Variants in BBIP1 observed in about 807,000 individuals in gnomAD.
BBIP1 encodes BBSome interacting protein 1.
In BBIP1, 6 loss-of-function variants were observed where a neutral mutation model predicts 8.9. The ratio of observed to expected loss-of-function variants is 0.67; its 90% CI spans 0.37 to 1.33. BBIP1 has a LOEUF of 1.33. Ranked by LOEUF, BBIP1 falls within the 40% of genes most tolerant of loss-of-function variation. The probability of loss-of-function intolerance (pLI) is 0.02; values close to 1 mark genes in which losing one functional copy is unlikely to be tolerated. For missense variants in BBIP1, 111 were observed against 109.2 expected (o/e 1.02, Z -0.07); for synonymous variants, 32 against 33.4 (o/e 0.96, Z 0.14).
At chr10:110,912,247 G>T (rs1202331267) in intron 2 of BBIP1, 1 of 150,432 alleles carries the variant, frequency 6.6e-6, no homozygotes. Flanking sequence ...CTCTTAGGAA[G>T]AAAAACTGCT....
At chr10:110,907,660 G>T in intron 2 of BBIP1, 1 of 653,858 alleles carries the variant, frequency 1.5e-6, no homozygotes, top group South Asian at 1.7e-5. Context: ...TTTAGGATCT[G>T]AAAAGTGATT....
chr10:110,917,194 ATTTTT>A (rs67066048), intron 2 of BBIP1, among the ~76,000 whole-genome samples: 30 of 107,972 alleles, frequency 2.8e-4, no homozygotes, highest in Non-Finnish European at 3.4e-4. Context: ...CTGGATCCTG[ATTTTT>A]TTTTTTTTTT....
chr10:110,909,272 A>T (rs530789237), intron 2 of BBIP1, among the ~76,000 whole-genome samples: 334 of 151,884 alleles, frequency 2.2e-3, no homozygotes, highest in Non-Finnish European at 4.1e-3. Flanking sequence ...ATCTCGGCTC[A>T]CTGCAACCCC....
chr10:110,904,554 T>G (rs560577749), intron 2 of BBIP1: 1 of 152,334 alleles, frequency 6.6e-6, no homozygotes, highest in African/African-American at 2.4e-5. Flanking sequence ...TCTGATAGTA[T>G]CCACAGGTAG....
chr10:110,907,862 CT>C (rs1162202250), intron 2 of BBIP1: 1 of 676,090 alleles, frequency 1.5e-6, no homozygotes, highest in East Asian at 2.7e-5. Flanking sequence ...GTTAAATTTT[CT>C]TTTTAATAGC....
chr10:110,905,198 G>A (rs142182341), intron 2 of BBIP1, among the ~76,000 whole-genome samples: 1 of 152,168 alleles, frequency 6.6e-6, no homozygotes, highest in African/African-American at 2.4e-5. Context: ...TTTTAGGAGT[G>A]AGAGTTAAAA....
intron 2 of BBIP1, among the ~76,000 whole-genome samples, chr10:110,915,130 A>C (rs1023774706): frequency 2.0e-5 from 3 of 152,188 alleles, no homozygotes; most frequent in African/African-American, 4.8e-5. Context: ...TTCTTCAGAA[A>C]TCAGAATTGC....
rs1845956874 is a variant in BBIP1 at position 110,900,273 on chromosome 10, A to T, written c.*87T>A. On this transcript the variant is annotated 3_prime_UTR_variant, in exon 4 of 4. Coordinates refer to ENST00000448814, the MANE Select transcript of BBIP1 (RefSeq NM_001195305.3). Reference sequence around the variant, plus strand: ...ACTATCAATTTTATTGATAACACATACTACTTTCAGCACACAGAAGCATAT... The same window carrying T: ...ACTATCAATTTTATTGATAACACATTCTACTTTCAGCACACAGAAGCATAT... The T allele has an allele frequency of 3.3e-6, 4 of 1,224,146 alleles. No individual in the cohort carries two copies. In the East Asian group the frequency reaches 1.0e-4, roughly 32 times the overall value. 75.8% of individuals were successfully genotyped at this position (1,224,146 alleles called of 1,614,324 possible).
Position 110,899,051 on chromosome 10 carries a change from T to C in BBIP1, c.*1309A>G. The C allele has an allele frequency of 6.6e-6, 1 of 152,184 alleles. No individual in the cohort carries two copies. The highest frequency in any genetic ancestry group is 1.9e-4 in the East Asian group (1 of 5,202). The allele number at this position is 152,184 out of a possible 1,614,324, so 9.4% of individuals were successfully genotyped here. A position where few individuals can be genotyped will look rare whatever the true frequency, so the allele number is the denominator to read the frequency against. On this transcript the variant is annotated 3_prime_UTR_variant, in exon 4 of 4. Transcript: ENST00000448814. ...TTCTGTTACCAAATAATGGCTAATG[T>C]TACAAAAAGTTATACTCCAGAGACC...
In BBIP1 at chr10:110,900,224, G is replaced by T. The variant is rs1181843097; in HGVS notation, c.*136C>A. The T allele has an allele frequency of 2.3e-6, 2 of 853,710 alleles. No individual in the cohort carries two copies. Among genetic ancestry groups the T allele is most frequent in the Non-Finnish European group, 3.4e-6 (2 of 591,460 alleles). The allele number at this position is 853,710 out of a possible 1,614,324, so 52.9% of individuals were successfully genotyped here. A position where few individuals can be genotyped will look rare whatever the true frequency, so the allele number is the denominator to read the frequency against. On this transcript the variant is annotated 3_prime_UTR_variant, in exon 4 of 4. Coordinates refer to ENST00000448814, the MANE Select transcript of BBIP1 (RefSeq NM_001195305.3). ...TCACAATACAAATTTCATCAATCTT[G>T]GATATTTTTGTATTTCTATGAATAC...
In BBIP1 at chr10:110,899,073, G is replaced by A. The variant is rs1244565042; in HGVS notation, c.*1287C>T. 1 of 152,040 alleles carries A rather than the reference G, an allele frequency of 6.6e-6. No individual in the cohort carries two copies. The highest frequency in any genetic ancestry group is 1.5e-5 in the Non-Finnish European group (1 of 67,994). The allele number at this position is 152,040 out of a possible 1,614,324, so 9.4% of individuals were successfully genotyped here. A position where few individuals can be genotyped will look rare whatever the true frequency, so the allele number is the denominator to read the frequency against. On this transcript the variant is annotated 3_prime_UTR_variant, in exon 4 of 4. Coordinates refer to ENST00000448814, the MANE Select transcript of BBIP1 (RefSeq NM_001195305.3). ...ATGTTACAAAAAGTTATACTCCAGA[G>A]ACCCAAAGCTTGACATTTACCTAAT...
intron 2 of BBIP1, among the ~76,000 whole-genome samples, chr10:110,917,442 GA>G (rs1045789399): frequency 5.3e-5 from 8 of 151,578 alleles, no homozygotes; most frequent in South Asian, 2.1e-4. Context: ...GGGGAGGAAT[GA>G]AAAAAAATGG....
At chr10:110,903,417 G>A (rs182912808) in intron 2 of BBIP1, 3 of 152,504 alleles carry the variant, frequency 2.0e-5, no homozygotes, top group Non-Finnish European at 4.4e-5. Flanking sequence ...GCTGCACCTA[G>A]TGTGGGGGAG....
At chr10:110,904,579 AATT>A (rs1217341551) in intron 2 of BBIP1, 3 of 152,216 alleles carry the variant, frequency 2.0e-5, no homozygotes, top group African/African-American at 7.2e-5. Flanking sequence ...GGTATAGGGA[AATT>A]AGCACTGTTG....
chr10:110,910,793 T>C (rs1379615883), intron 2 of BBIP1: 1 of 152,200 alleles, frequency 6.6e-6, no homozygotes, highest in African/African-American at 2.4e-5. Flanking sequence ...GTAAAGACCA[T>C]GAGTTCGGTT....
intron 2 of BBIP1, chr10:110,902,794 G>C (rs754270734): frequency 6.6e-6 from 1 of 152,172 alleles, no homozygotes; most frequent in African/African-American, 2.4e-5. Context: ...AATGGACCAG[G>C]AATAAAGCAA....
intron 2 of BBIP1, among the ~76,000 whole-genome samples, chr10:110,905,517 G>A (rs567554001): frequency 1.3e-5 from 2 of 151,324 alleles, no homozygotes; most frequent in Non-Finnish European, 2.9e-5. Context: ...AGCCGAGATC[G>A]TGCCACTGCA....
intron 2 of BBIP1, among the ~76,000 whole-genome samples, chr10:110,915,260 G>C (rs1378906658): frequency 1.3e-5 from 2 of 152,042 alleles, no homozygotes; most frequent in African/African-American, 4.8e-5. Context: ...GGGCTCAAGT[G>C]ATCTTCCAAC....
chr10:110,915,632 G>T (rs796368992), intron 2 of BBIP1, among the ~76,000 whole-genome samples: 3 of 152,096 alleles, frequency 2.0e-5, no homozygotes, highest in Admixed American at 2.0e-4. Flanking sequence ...GCTATAAACC[G>T]AGGTAAAGCA....
Sources: allele counts gnomAD v4.1 joint callset (sites outside exome capture counted in the v4.1 genomes callset), GRCh38; gene constraint gnomAD v4.1.1; transcripts MANE v1.5; gene names NCBI Gene and HGNC (gene_info 2026-07-23, HGNC 2026-07-21).